DZIP1L: variants seen among roughly 807,000 people sequenced by gnomAD.
DZIP1L encodes cilium assembly protein DZIP1L.
DZIP1L carries 90 observed loss-of-function variants against 88.7 expected under a neutral mutation model. The observed-to-expected ratio is 1.02, with a 90% confidence interval of 0.86 to 1.21. The LOEUF is 1.21. DZIP1L is among the 50% of genes most tolerant of loss of function. The pLI is 0.00. For synonymous variants in DZIP1L, 363 were observed against 372.1 expected (o/e 0.98, Z 0.28); for missense variants, 932 against 955.8 (o/e 0.98, Z 0.33).
chr3:138,080,749 G>C, intron 9 of DZIP1L, 129 bp from the exon 10 acceptor site: 2 of 842,098 alleles, frequency 2.4e-6, no homozygotes, highest in Non-Finnish European at 3.7e-6. Context: ...ATCTTGACTG[G>C]AGAGAGGCAG....
rs560807042 is a variant in DZIP1L at position 138,096,286 on chromosome 3, A to T, written c.587-1303T>A. 1.6e-4 allele frequency among the ~76,000 whole-genome samples: 25 copies of T among 152,332 alleles called. No individual in the cohort carries two copies. The South Asian group carries it at 5.2e-3, about 32-fold the overall frequency. Reference sequence around the variant, plus strand: ...TCCTTACAGCACTTTACGTTAAGGAAATAAGAGATATGCTCAAAGATCTAC... The same window carrying T: ...TCCTTACAGCACTTTACGTTAAGGATATAAGAGATATGCTCAAAGATCTAC... On this transcript the variant is annotated intron_variant, in intron 3 of 15. Coordinates refer to ENST00000327532, the MANE Select transcript of DZIP1L (RefSeq NM_173543.3).
At position 138,097,775 on chromosome 3, in the gene DZIP1L, C is replaced by T. The variant is rs867752811; in HGVS notation, c.574G>A (p.Val192Met). The change falls in exon 3 of 16, where the codon GTG (valine) becomes ATG (methionine). Residue 192 changes from valine (V) to methionine (M), a missense_variant. By Grantham distance (21) the Val-to-Met change is conservative. Transcript: ENST00000327532. ...RGHIQRRHAG[V>M]AEGGKQKKQE... ...TGTCTGGACTCACCACCTTCTGCCACGCCTGCATGCCTGCGCTGGATGTGG... is the reference window on the plus strand; with the variant it reads ...TGTCTGGACTCACCACCTTCTGCCATGCCTGCATGCCTGCGCTGGATGTGG... 9.3e-6 allele frequency: 15 copies of T among 1,611,838 alleles called. No homozygotes were observed. Among genetic ancestry groups the T allele is most frequent in the South Asian group, 7.7e-5 (7 of 90,388 alleles).
At chr3:138,067,805 C>G in intron 13 of DZIP1L, 105 bp from the exon 14 acceptor site, 5 of 1,312,588 alleles carry the variant, frequency 3.8e-6, no homozygotes, top group Non-Finnish European at 5.0e-6. Context: ...TCAGGGCCAG[C>G]CCTGCTCCCT....
At chr3:138,113,262 CTT>C (rs1288772747) in intron 1 of DZIP1L, 2 of 152,222 alleles carry the variant, frequency 1.3e-5, no homozygotes, top group Admixed American at 1.3e-4. Flanking sequence ...TCCCTGGAGA[CTT>C]TATGGTTCTT....
At position 138,103,847 on chromosome 3, in the gene DZIP1L, T is replaced by A; in HGVS notation, c.125A>T (p.Asp42Val). 1.2e-6 allele frequency: 2 copies of A among 1,614,122 alleles called. No individual in the cohort carries two copies. The highest frequency in any genetic ancestry group is 1.3e-5 in the African/African-American group (1 of 75,056). ...CAGTTCCCGGGCCACGCGGTCTACA[T>A]CCAGGGTGCTAATGCGTCTCCAGTC... Reference protein sequence around the residue: ...SMDWRRISTLDVDRVARELDV... With the variant: ...SMDWRRISTLVVDRVARELDV... Residue 42 changes from aspartate to valine, a missense_variant, in exon 2 of 16, where the codon GAT becomes GTT. By Grantham distance (152) the Asp-to-Val change is radical. Coordinates refer to ENST00000327532, the MANE Select transcript of DZIP1L (RefSeq NM_173543.3).
chr3:138,083,115 C>T (rs1398682413), intron 8 of DZIP1L, among the ~76,000 whole-genome samples: 1 of 152,178 alleles, frequency 6.6e-6, no homozygotes, highest in Non-Finnish European at 1.5e-5. Context: ...GAATCATTTG[C>T]AAATAAGAGT....
At chr3:138,099,659 G>A (rs1944635648) in intron 2 of DZIP1L, among the ~76,000 whole-genome samples, 2 of 152,262 alleles carry the variant, frequency 1.3e-5, no homozygotes, top group East Asian at 3.9e-4. Flanking sequence ...ATAGATTAAT[G>A]CCCTCCCTTG....
At chr3:138,100,064 G>T (rs1250638524) in intron 2 of DZIP1L, among the ~76,000 whole-genome samples, 9 of 149,858 alleles carry the variant, frequency 6.0e-5, no homozygotes, top group African/African-American at 2.0e-4. Context: ...CTCTCATTAC[G>T]ATTAAGATGC....
In DZIP1L at chr3:138,088,392, T is replaced by C. The variant is rs764866419; in HGVS notation, c.986A>G (p.Lys329Arg). 3.0e-5 allele frequency: 48 copies of C among 1,612,224 alleles called. No homozygotes were observed. Among genetic ancestry groups the C allele is most frequent in the Non-Finnish European group, 3.4e-6 (4 of 1,179,248 alleles). Residue 329 changes from lysine to arginine, a missense_variant, in exon 6 of 16, where the codon AAG becomes AGG. Transcript: ENST00000327532. ...GCATCAGCTCACCTGAATTTCTGTC[T>C]TCTCTCTCAGGGCCTGAAGCTCCCG... The part of the protein sequence containing the change: ...QARELQALRE[K>R]TEIQKTEWKR...
At position 138,092,511 on chromosome 3, in the gene DZIP1L, C is replaced by T; in HGVS notation, c.742G>A (p.Ala248Thr). The change falls in exon 5 of 16, where the codon GCT (alanine) becomes ACT (threonine). Residue 248 changes from alanine to threonine, a missense_variant. Ala to Thr is a moderately conservative substitution (Grantham distance 58). Transcript: ENST00000327532. Reference protein sequence around the residue: ...AELIHQREIEAKKEFDKWKEQ... With the variant: ...AELIHQREIETKKEFDKWKEQ... ...TTCCATTTATCAAATTCTTTCTTAGCTTCTATTTCCCTCTGATGAATGAGC... is the reference window on the plus strand; with the variant it reads ...TTCCATTTATCAAATTCTTTCTTAGTTTCTATTTCCCTCTGATGAATGAGC... The T allele has an allele frequency of 1.9e-6, 3 of 1,601,722 alleles. No homozygotes were observed. The highest frequency in any genetic ancestry group is 2.6e-6 in the Non-Finnish European group (3 of 1,176,374).
intron 1 of DZIP1L, among the ~76,000 whole-genome samples, chr3:138,110,794 A>C (rs1447226923): frequency 6.6e-6 from 1 of 152,250 alleles, no homozygotes; most frequent in Non-Finnish European, 1.5e-5. Flanking sequence ...TATCCCACTT[A>C]ATTCTCACAA....
chr3:138,069,158 C>A, intron 12 of DZIP1L: 1 of 684,826 alleles, frequency 1.5e-6, no homozygotes, highest in East Asian at 2.8e-5. Flanking sequence ...TCCTCCTCCT[C>A]TTCAGCCTAC....
chr3:138,067,814 C>T (rs1942980584), intron 13 of DZIP1L, 114 bp from the exon 14 acceptor site: 9 of 1,238,716 alleles, frequency 7.3e-6, no homozygotes, highest in Non-Finnish European at 9.6e-6. Flanking sequence ...GCCCTGCTCC[C>T]TCCCTCAGGC....
Position 138,101,441 on chromosome 3 carries a change from G to A in DZIP1L, c.501+2030C>T, listed in dbSNP as rs527841984. 1.5e-3 allele frequency: 1,068 copies of A among 724,022 alleles called. 8 individuals are homozygous for A. The highest frequency in any genetic ancestry group is 3.6e-3 in the East Asian group (146 of 40,930). 44.8% of individuals were successfully genotyped at this position (724,022 alleles called of 1,614,324 possible). On this transcript the variant is annotated intron_variant, in intron 2 of 15. Coordinates refer to ENST00000327532, the MANE Select transcript of DZIP1L (RefSeq NM_173543.3). ...TCCCCCGCTGGGCTCTGGGGCAGCCGCAGGAGGGGCAGGCTGGGAGGGGCT... is the reference window on the plus strand; with the variant it reads ...TCCCCCGCTGGGCTCTGGGGCAGCCACAGGAGGGGCAGGCTGGGAGGGGCT...
intron 12 of DZIP1L, among the ~76,000 whole-genome samples, chr3:138,071,252 TGC>T (rs1332579823): frequency 6.6e-6 from 1 of 152,202 alleles, no homozygotes; most frequent in Non-Finnish European, 1.5e-5. Flanking sequence ...CAGGCTGGCA[TGC>T]CTGGTGTGTA....
chr3:138,106,428 G>A (rs1389811438), intron 1 of DZIP1L, among the ~76,000 whole-genome samples: 1 of 151,470 alleles, frequency 6.6e-6, no homozygotes, highest in Non-Finnish European at 1.5e-5. Flanking sequence ...ATGAGCCACT[G>A]CACCCGGCCC....
intron 11 of DZIP1L, among the ~76,000 whole-genome samples, chr3:138,075,705 C>T (rs183939352): frequency 2.2e-4 from 34 of 152,246 alleles, no homozygotes; most frequent in South Asian, 4.1e-4. Context: ...AAAAAGTCTG[C>T]GGCCTGGCGC....
chr3:138,108,316 G>A (rs1559866483), intron 1 of DZIP1L: 5 of 705,056 alleles, frequency 7.1e-6, no homozygotes, highest in Non-Finnish European at 8.7e-6. Context: ...TAAGACACCT[G>A]CTTCCTGATG....
intron 3 of DZIP1L, 136 bp downstream of exon 3, chr3:138,097,627 G>A: frequency 1.3e-6 from 1 of 780,038 alleles, no homozygotes; most frequent in Non-Finnish European, 2.0e-6. Context: ...GTGGATGGTG[G>A]GATCATCCCA....
Sources: gnomAD v4.1 joint callset for allele counts (sites outside exome capture counted in the v4.1 genomes callset) on GRCh38, gnomAD v4.1.1 for gene constraint, MANE v1.5 for transcripts, NCBI Gene and HGNC (gene_info 2026-07-23, HGNC 2026-07-21) for gene names.